CRYZ: variants seen among roughly 807,000 people sequenced by gnomAD.
CRYZ encodes the protein zeta-crystallin.
In CRYZ, 35 loss-of-function variants were observed where a neutral mutation model predicts 34.1. The ratio of observed to expected loss-of-function variants is 1.03; its 90% CI spans 0.78 to 1.36. The LOEUF (loss-of-function observed/expected upper bound fraction) is 1.36, where lower values mean the gene tolerates loss of function less well. Ranked by LOEUF, CRYZ falls within the 40% of genes most tolerant of loss-of-function variation. The probability of loss-of-function intolerance (pLI) is 0.00; values close to 1 mark genes in which losing one functional copy is unlikely to be tolerated. For synonymous variants in CRYZ, 137 were observed against 136.5 expected (o/e 1.00, Z -0.03); for missense variants, 403 against 391.8 (o/e 1.03, Z -0.24).
At chr1:74,709,669 C>T (rs578193687) in intron 6 of CRYZ, among the ~76,000 whole-genome samples, 1 of 152,330 alleles carries the variant, frequency 6.6e-6, no homozygotes, top group African/African-American at 2.4e-5. Flanking sequence ...TCCTCCAAAG[C>T]ATCCAGCTAA....
rs200310439 is a variant in CRYZ, at chr1:74,706,296, T to C, written c.990A>G (p.Ter330TrpextTer1). ...GATGKMILLL* is the reference protein window; with the variant it reads ...GATGKMILLLW ...AGGAAATCCATGAAAGAATTAATCATCATAAGAGAAGAATCATTTTTCCAG... is the reference window on the plus strand; with the variant it reads ...AGGAAATCCATGAAAGAATTAATCACCATAAGAGAAGAATCATTTTTCCAG... Residue 330 changes from the stop codon to tryptophan, a stop_lost, in exon 9 of 9, where the codon TGA (stop) becomes TGG (tryptophan). Transcript: ENST00000340866. 89 of 1,601,520 alleles carry C rather than the reference T, an allele frequency of 5.6e-5. No individual in the cohort carries two copies. The highest frequency in any genetic ancestry group is 1.7e-4 in the Middle Eastern group (1 of 6,010).
chr1:74,716,570 C>G (rs1474292755), intron 4 of CRYZ, among the ~76,000 whole-genome samples: 1 of 152,104 alleles, frequency 6.6e-6, no homozygotes, highest in Non-Finnish European at 1.5e-5. Context: ...CCACTTATAG[C>G]CACTCTCTCC....
intron 3 of CRYZ, among the ~76,000 whole-genome samples, chr1:74,722,272 AAAGTT>A (rs1309567534): frequency 6.6e-6 from 1 of 152,120 alleles, no homozygotes; most frequent in Non-Finnish European, 1.5e-5. Flanking sequence ...GTTTAAAGAA[AAAGTT>A]AAGTGGCTAA....
intron 1 of CRYZ, 146 bp from the exon 2 acceptor site, chr1:74,724,980 G>A (rs1331344398): frequency 9.1e-6 from 5 of 551,092 alleles, no homozygotes; most frequent in Non-Finnish European, 1.6e-5. Context: ...CATGTTTAAG[G>A]ACCTTTCATC....
Position 74,719,296 on chromosome 1 carries a change from A to G in CRYZ, c.341T>C (p.Val114Ala). The G allele has an allele frequency of 6.2e-7, 1 of 1,613,924 alleles. No homozygotes were observed. The highest frequency in any genetic ancestry group is 8.5e-7 in the Non-Finnish European group (1 of 1,179,834). ...GTCCAGTTTTTCAGGTAGTTTGTAA[A>G]CAGTGTGGTCTGCTGCAAGAGCATA... ...AEYALAADHTVYKLPEKLDFK... is the reference protein window; with the variant it reads ...AEYALAADHTAYKLPEKLDFK... Residue 114 changes from valine (V) to alanine (A), a missense_variant, in exon 4 of 9, where the codon GTT (valine) becomes GCT (alanine). Coordinates refer to ENST00000340866, the MANE Select transcript of CRYZ (RefSeq NM_001889.4).
chr1:74,708,313 G>A (rs1301331702), intron 6 of CRYZ: 1 of 152,052 alleles, frequency 6.6e-6, no homozygotes, highest in Non-Finnish European at 1.5e-5. Flanking sequence ...TAGTTGTTTT[G>A]TTTTGTTTTT....
intron 4 of CRYZ, among the ~76,000 whole-genome samples, chr1:74,718,699 G>A (rs1046737690): frequency 6.6e-6 from 1 of 151,994 alleles, no homozygotes; most frequent in Admixed American, 6.6e-5. Context: ...CAAATACTTA[G>A]TAGATGGGAT....
intron 2 of CRYZ, 133 bp downstream of exon 2, chr1:74,724,578 G>A: frequency 1.7e-6 from 1 of 595,380 alleles, no homozygotes; most frequent in Admixed American, 3.4e-5. Flanking sequence ...ATGTCCATAT[G>A]TATACATAGT....
At position 74,706,467 on chromosome 1, in the gene CRYZ, G is replaced by A. The variant is rs1307971605; in HGVS notation, c.829-10C>T. 3.2e-6 allele frequency: 5 copies of A among 1,583,208 alleles called. No individual in the cohort carries two copies. The African/African-American group carries it at 4.1e-5, about 13-fold the overall frequency. On this transcript the variant is annotated splice_polypyrimidine_tract_variant and intron_variant, in intron 8 of 8. Transcript: ENST00000340866. ...ATTGCTGAAATTCCTCCTAAGAAAA[G>A]GAAAAACAAATTTCTTTTTGTAGTG...
chr1:74,724,419 T>TA (rs1647232470), intron 2 of CRYZ, among the ~76,000 whole-genome samples: 1 of 152,212 alleles, frequency 6.6e-6, no homozygotes, highest in Admixed American at 6.5e-5. Flanking sequence ...TAGAATAACT[T>TA]ATTCAAAACT....
At chr1:74,730,135 C>A (rs1195983532) in intron 1 of CRYZ, among the ~76,000 whole-genome samples, 1 of 152,140 alleles carries the variant, frequency 6.6e-6, no homozygotes, top group African/African-American at 2.4e-5. Flanking sequence ...CTTTCCCCCC[C>A]CACATTTTGG....
intron 1 of CRYZ, chr1:74,732,625 GGGCT>G (rs1250969250): frequency 9.3e-5 from 13 of 139,168 alleles, no homozygotes; most frequent in Non-Finnish European, 1.9e-4. Flanking sequence ...GTGCAGCGTG[GGGCT>G]GGGGGACAGG....
chr1:74,723,886 T>C (rs1173553176), intron 2 of CRYZ, among the ~76,000 whole-genome samples: 1 of 152,216 alleles, frequency 6.6e-6, no homozygotes, highest in East Asian at 1.9e-4. Context: ...AATTTTTAGG[T>C]TACAGCAATT....
chr1:74,720,869 G>A (rs1647151814), intron 3 of CRYZ, among the ~76,000 whole-genome samples: 2 of 151,956 alleles, frequency 1.3e-5, no homozygotes, highest in Admixed American at 6.6e-5. Flanking sequence ...CTAGACTCTC[G>A]GAGGAGAGAA....
intron 5 of CRYZ, among the ~76,000 whole-genome samples, chr1:74,713,101 G>A (rs991197507): frequency 9.9e-5 from 15 of 152,042 alleles, no homozygotes; most frequent in African/African-American, 3.6e-4. Context: ...TGATAGGACA[G>A]GGAGGATCAG....
chr1:74,713,763 A>G (rs1449115842), intron 5 of CRYZ, among the ~76,000 whole-genome samples: 3 of 152,190 alleles, frequency 2.0e-5, no homozygotes, highest in Admixed American at 2.0e-4. Context: ...GAAATGGTTA[A>G]CAGCCTCCTC....
Position 74,714,622 on chromosome 1 carries a change from A to G in CRYZ, c.437T>C (p.Val146Ala). The change falls in exon 5 of 9, where the codon GTG (valine) becomes GCG (alanine). Residue 146 changes from valine to alanine, a missense_variant. Coordinates refer to ENST00000340866, the MANE Select transcript of CRYZ (RefSeq NM_001889.4). ...AYRALIHSACVKAGESVLVHG... is the reference protein window; with the variant it reads ...AYRALIHSACAKAGESVLVHG... The stretch of plus-strand genomic sequence containing the variant: ...AACCAGAACACTCTCTCCAGCTTTC[A>G]CACAGGCACTGCAAAGGAAAGCATA... 1 of 1,613,706 alleles carries G rather than the reference A, an allele frequency of 6.2e-7. No homozygotes were observed.
At chr1:74,715,788 C>T (rs1647063609) in intron 4 of CRYZ, among the ~76,000 whole-genome samples, 1 of 152,072 alleles carries the variant, frequency 6.6e-6, no homozygotes, top group East Asian at 1.9e-4. Context: ...GGAGAAAAAG[C>T]AGGCAAATCC....
intron 1 of CRYZ, among the ~76,000 whole-genome samples, chr1:74,726,469 C>T (rs1422716608): frequency 3.3e-5 from 5 of 152,178 alleles, no homozygotes; most frequent in Non-Finnish European, 7.3e-5. Flanking sequence ...AGCACCAAGT[C>T]CCTAGGCTGC....
Sources: allele counts gnomAD v4.1 joint callset (sites outside exome capture counted in the v4.1 genomes callset), GRCh38; gene constraint gnomAD v4.1.1; transcripts MANE v1.5; gene names NCBI Gene and HGNC (gene_info 2026-07-23, HGNC 2026-07-21).